TACC2: variants seen among roughly 807,000 people sequenced by gnomAD.
TACC2 encodes the protein transforming acidic coiled-coil-containing protein 2.
Under a neutral mutation model 227.3 loss-of-function variants are expected in TACC2, and 137 were observed. The observed-to-expected ratio is 0.60, with a 90% CI of 0.52 to 0.69. The LOEUF is 0.69. TACC2 is among the 30% of genes least tolerant of loss of function. TACC2 has a pLI of 0.00. For synonymous variants in TACC2, 1,523 were observed against 1,487.5 expected, an observed-to-expected ratio of 1.02 and a Z score of -0.55; for missense variants, 3,470 against 3,694.4, an observed-to-expected ratio of 0.94 and a Z score of 1.57.
At chr10:122,073,386 G>A (rs549060299) in intron 3 of TACC2, among the ~76,000 whole-genome samples, 2 of 152,128 alleles carry the variant, frequency 1.3e-5, no homozygotes, top group East Asian at 3.9e-4. Context: ...TTTGCTCTGA[G>A]ACACAAAAGA....
At chr10:122,177,315 G>T (rs1271767886) in intron 7 of TACC2, among the ~76,000 whole-genome samples, 3 of 152,192 alleles carry the variant, frequency 2.0e-5, no homozygotes, top group Non-Finnish European at 2.9e-5. Flanking sequence ...AGTGGAGGGA[G>T]GCTGGAACAG....
At chr10:122,196,066 C>T (rs143708182) in intron 8 of TACC2, among the ~76,000 whole-genome samples, 188 of 152,358 alleles carry the variant, frequency 1.2e-3, no homozygotes, top group African/African-American at 4.3e-3. Flanking sequence ...GTCCCCTTCT[C>T]TGGCTCTTCC....
chr10:122,177,658 G>A (rs1210324044), intron 7 of TACC2, among the ~76,000 whole-genome samples: 1 of 152,152 alleles, frequency 6.6e-6, no homozygotes, highest in East Asian at 1.9e-4. Context: ...ATGAAGCTGG[G>A]GAGGAGATAA....
intron 3 of TACC2, among the ~76,000 whole-genome samples, chr10:122,055,212 G>A (rs1371283883): frequency 6.6e-6 from 1 of 150,628 alleles, no homozygotes; most frequent in Non-Finnish European, 1.5e-5. Context: ...AGAGCAAGAC[G>A]CCGTCTCCCA....
intron 18 of TACC2, among the ~76,000 whole-genome samples, chr10:122,238,257 C>T (rs1031140353): frequency 6.6e-6 from 1 of 152,150 alleles, no homozygotes; most frequent in Admixed American, 6.5e-5. Flanking sequence ...AATGTATGTA[C>T]AATGCAAAAC....
At chr10:122,250,127 G>C (rs1052705157) in intron 22 of TACC2, among the ~76,000 whole-genome samples, 2 of 152,162 alleles carry the variant, frequency 1.3e-5, no homozygotes. Flanking sequence ...ATCTTCCCGA[G>C]GACACTGAGC....
chr10:122,031,025 A>AC (rs1366503110), intron 2 of TACC2, among the ~76,000 whole-genome samples: 1 of 151,130 alleles, frequency 6.6e-6, no homozygotes, highest in Admixed American at 6.6e-5. Flanking sequence ...ACCTACTTCC[A>AC]CCCCCCCATC....
intron 7 of TACC2, among the ~76,000 whole-genome samples, chr10:122,170,120 C>T (rs1031486699): frequency 2.7e-4 from 41 of 152,168 alleles, no homozygotes; most frequent in African/African-American, 8.9e-4. Context: ...ACATGTCCAA[C>T]GTAGAACTCT....
chr10:122,182,855 C>G (rs1422493482), intron 7 of TACC2, among the ~76,000 whole-genome samples: 1 of 152,072 alleles, frequency 6.6e-6, no homozygotes, highest in African/African-American at 2.4e-5. Flanking sequence ...GAGGCAGGTT[C>G]AAAGACACAC....
chr10:122,062,561 G>C (rs951131822), intron 3 of TACC2, among the ~76,000 whole-genome samples: 1 of 151,484 alleles, frequency 6.6e-6, no homozygotes, highest in Non-Finnish European at 1.5e-5. Flanking sequence ...TGATCCACCT[G>C]CCTCGGCCTC....
At chr10:122,026,166 A>C (rs866389231) in intron 2 of TACC2, among the ~76,000 whole-genome samples, 3,449 of 150,310 alleles carry the variant, frequency 0.023, 116 homozygotes, top group African/African-American at 0.075. Flanking sequence ...AAAATCCAAA[A>C]AAAAAAAAAA....
At chr10:122,114,384 T>G (rs1425874440) in intron 5 of TACC2, among the ~76,000 whole-genome samples, 3 of 152,218 alleles carry the variant, frequency 2.0e-5, no homozygotes, top group Non-Finnish European at 4.4e-5. Flanking sequence ...GATTAACAGT[T>G]GAATCTTAAG....
At chr10:122,040,580 G>A (rs1389544354) in intron 2 of TACC2, among the ~76,000 whole-genome samples, 1 of 152,132 alleles carries the variant, frequency 6.6e-6, no homozygotes, top group East Asian at 1.9e-4. Flanking sequence ...ACTCTCTGGA[G>A]TTCCGCTTGG....
intron 7 of TACC2, among the ~76,000 whole-genome samples, chr10:122,171,254 G>C (rs2093458849): frequency 1.3e-5 from 2 of 151,968 alleles, no homozygotes; most frequent in Admixed American, 1.3e-4. Flanking sequence ...CTTTTCGTCT[G>C]CTTTCTCCTT....
intron 5 of TACC2, among the ~76,000 whole-genome samples, chr10:122,128,558 A>T (rs116584357): frequency 0.011 from 1,728 of 152,290 alleles, 23 homozygotes; most frequent in African/African-American, 0.04. Context: ...GAGGCTGACA[A>T]GCCTAGGTCC....
intron 7 of TACC2, among the ~76,000 whole-genome samples, chr10:122,161,545 C>T (rs1463264704): frequency 2.0e-5 from 3 of 152,248 alleles, no homozygotes; most frequent in Non-Finnish European, 4.4e-5. Context: ...AAACAGTCGG[C>T]TCAGGCCACA....
chr10:122,147,458 T>C (rs1156597636), intron 7 of TACC2, among the ~76,000 whole-genome samples: 14 of 152,142 alleles, frequency 9.2e-5, no homozygotes, highest in Admixed American at 1.3e-4. Context: ...TTCCTTTTTT[T>C]CCCCCATTTC....
At chr10:122,244,002 T>C (rs915498561) in intron 19 of TACC2, among the ~76,000 whole-genome samples, 3 of 152,218 alleles carry the variant, frequency 2.0e-5, no homozygotes, top group African/African-American at 7.2e-5. Flanking sequence ...GTCCTGTCCT[T>C]GTCATGACAG....
chr10:122,156,882 G>A (rs779915356), intron 7 of TACC2, among the ~76,000 whole-genome samples: 1 of 152,156 alleles, frequency 6.6e-6, no homozygotes. Context: ...CCAGCACTTT[G>A]GGAGGATCAC....
Sources: gnomAD v4.1 joint callset for allele counts (sites outside exome capture counted in the v4.1 genomes callset) on GRCh38, gnomAD v4.1.1 for gene constraint, MANE v1.5 for transcripts, NCBI Gene and HGNC (gene_info 2026-07-23, HGNC 2026-07-21) for gene names.